Variants in SIPA1L3 observed in about 807,000 individuals in gnomAD.
SIPA1L3 encodes signal-induced proliferation-associated 1-like protein 3.
In SIPA1L3, 59 loss-of-function variants were observed where a neutral mutation model predicts 150.1. That is an observed-to-expected ratio of 0.39 (90% CI 0.32 to 0.49). The LOEUF (loss-of-function observed/expected upper bound fraction) is 0.49. Among genes scored for constraint, SIPA1L3 ranks in the 20% least tolerant of loss-of-function variants. The probability of loss-of-function intolerance (pLI) is 0.86; values close to 1 mark genes in which losing one functional copy is unlikely to be tolerated. For synonymous variants in SIPA1L3, 1,070 were observed against 1,077.6 expected, an observed-to-expected ratio of 0.99 and a Z score of 0.14; for missense variants, 2,211 against 2,489.5, an observed-to-expected ratio of 0.89 and a Z score of 2.38.
In SIPA1L3 at chr19:38,082,915, C is replaced by T; in HGVS notation, c.1350C>T (p.Gly450=). 1 of 1,613,212 alleles carries T rather than the reference C, an allele frequency of 6.2e-7. No individual in the cohort carries two copies. The highest frequency in any genetic ancestry group is 8.5e-7 in the Non-Finnish European group (1 of 1,179,896). The change falls in exon 3 of 22, where the codon GGC becomes GGT. Residue 450 remains glycine (G), a synonymous_variant. Transcript: ENST00000222345. ...RNVSFSRASV[G]SPSSGEGHLA... Reference sequence around the variant, plus strand: ...TGAGCTTCTCCCGGGCTTCCGTGGGCTCCCCGAGCAGCGGCGAGGGCCACC... The same window carrying T: ...TGAGCTTCTCCCGGGCTTCCGTGGGTTCCCCGAGCAGCGGCGAGGGCCACC...
At chr19:37,968,372 G>A (rs149186471) in intron 1 of SIPA1L3, among the ~76,000 whole-genome samples, 5 of 152,084 alleles carry the variant, frequency 3.3e-5, no homozygotes, top group Admixed American at 6.6e-5. Context: ...GCGCCCGGCC[G>A]GCCTCATCTC....
At chr19:38,125,864 T>C (rs563635082) in intron 9 of SIPA1L3, among the ~76,000 whole-genome samples, 4 of 152,264 alleles carry the variant, frequency 2.6e-5, no homozygotes, top group African/African-American at 7.2e-5. Flanking sequence ...GGTGCTCCTC[T>C]CTGGGACAGA....
intron 1 of SIPA1L3, among the ~76,000 whole-genome samples, chr19:38,018,838 A>G (rs1010314444): frequency 3.3e-5 from 5 of 152,112 alleles, no homozygotes; most frequent in Middle Eastern, 3.2e-3. Context: ...GGGCAGGTAC[A>G]TTTTGTTCAC....
rs1190225537 is a variant in SIPA1L3, at chr19:38,040,686, T to C, written c.-311+11530T>C. 2.0e-5 allele frequency among the ~76,000 whole-genome samples: 3 copies of C among 152,272 alleles called. No homozygotes were observed. The East Asian group carries it at 5.8e-4, about 29-fold the overall frequency. Reference sequence around the variant, plus strand: ...TTTTAAAAAAAATTCAAAATTCTAGTTGAAATGCCCCATTTAAGAGTTTCA... The same window carrying C: ...TTTTAAAAAAAATTCAAAATTCTAGCTGAAATGCCCCATTTAAGAGTTTCA... On this transcript the variant is annotated intron_variant, in intron 2 of 21. Coordinates refer to ENST00000222345, the MANE Select transcript of SIPA1L3 (RefSeq NM_015073.3).
intron 15 of SIPA1L3, among the ~76,000 whole-genome samples, chr19:38,167,980 G>A (rs939379748): frequency 2.0e-5 from 3 of 152,170 alleles, no homozygotes; most frequent in African/African-American, 4.8e-5. Flanking sequence ...CCCAGACACT[G>A]TGCTGGGAGC....
Position 38,202,447 on chromosome 19 carries a change from G to A in SIPA1L3, c.5120+450G>A, listed in dbSNP as rs181220637. Among the ~76,000 whole-genome samples the A allele has an allele frequency of 4.4e-3, 668 of 152,206 alleles. 2 individuals carry two copies. Among genetic ancestry groups the A allele is most frequent in the Middle Eastern group, 0.031 (9 of 294 alleles). On this transcript the variant is annotated intron_variant, in intron 20 of 21. Transcript: ENST00000222345. ...TACTAAAAATACAAAAATTAGCCGG[G>A]CGTGGTGGTGCGTGCCTGTAATCCC...
chr19:37,956,217 A>G (rs1035895423), intron 1 of SIPA1L3, among the ~76,000 whole-genome samples: 4 of 152,180 alleles, frequency 2.6e-5, no homozygotes, highest in Non-Finnish European at 4.4e-5. Flanking sequence ...GTGGGTGTGC[A>G]GTGGTATCTC....
At chr19:37,970,186 C>G (rs1167075633) in intron 1 of SIPA1L3, among the ~76,000 whole-genome samples, 1 of 152,126 alleles carries the variant, frequency 6.6e-6, no homozygotes, top group Non-Finnish European at 1.5e-5. Context: ...GGTGAAATTT[C>G]AAAGTGAAAA....
intron 2 of SIPA1L3, among the ~76,000 whole-genome samples, chr19:38,060,155 A>G (rs1178005733): frequency 6.6e-6 from 1 of 152,198 alleles, no homozygotes; most frequent in Non-Finnish European, 1.5e-5. Context: ...TGTTCCCTAG[A>G]TGAGCAACTC....
intron 2 of SIPA1L3, among the ~76,000 whole-genome samples, chr19:38,057,938 A>C (rs944229958): frequency 6.6e-6 from 1 of 152,140 alleles, no homozygotes; most frequent in East Asian, 1.9e-4. Flanking sequence ...CCGGGATTAC[A>C]GGCCTGAGCC....
chr19:38,037,269 A>T (rs759012260), intron 2 of SIPA1L3, among the ~76,000 whole-genome samples: 38 of 146,434 alleles, frequency 2.6e-4, no homozygotes, highest in Non-Finnish European at 5.2e-4. Context: ...TTGAGAGGTC[A>T]GGGAACGTCT....
At chr19:38,160,096 C>A (rs1319383761) in intron 13 of SIPA1L3, among the ~76,000 whole-genome samples, 1 of 152,146 alleles carries the variant, frequency 6.6e-6, no homozygotes, top group African/African-American at 2.4e-5. Flanking sequence ...ACTGCAGCCT[C>A]CACCTCCCAG....
intron 1 of SIPA1L3, among the ~76,000 whole-genome samples, chr19:37,985,070 T>C (rs548465375): frequency 6.6e-6 from 1 of 152,298 alleles, no homozygotes; most frequent in African/African-American, 2.4e-5. Context: ...AAGTGATTGG[T>C]AGTGCTATTA....
intron 1 of SIPA1L3, among the ~76,000 whole-genome samples, chr19:37,931,655 C>G (rs921485343): frequency 6.6e-6 from 1 of 152,060 alleles, no homozygotes; most frequent in Non-Finnish European, 1.5e-5. Flanking sequence ...GAGGCTGAGG[C>G]AGGAGAATCC....
At chr19:38,086,357 A>T (rs896038745) in intron 3 of SIPA1L3, among the ~76,000 whole-genome samples, 1 of 151,934 alleles carries the variant, frequency 6.6e-6, no homozygotes, top group African/African-American at 2.4e-5. Flanking sequence ...TTTTCTTTTT[A>T]AAAATTTCTT....
intron 10 of SIPA1L3, among the ~76,000 whole-genome samples, chr19:38,135,318 A>G (rs1334831361): frequency 6.6e-6 from 1 of 152,088 alleles, no homozygotes; most frequent in African/African-American, 2.4e-5. Flanking sequence ...TCAGGACTCC[A>G]GTCATGCCCC....
intron 18 of SIPA1L3, among the ~76,000 whole-genome samples, chr19:38,198,179 G>C (rs1973006915): frequency 6.6e-6 from 1 of 152,238 alleles, no homozygotes; most frequent in African/African-American, 2.4e-5. Flanking sequence ...CCCCTTCAGA[G>C]TTTTGTCCAG....
In SIPA1L3 at chr19:37,921,687, A is replaced by T. The variant is rs549076610; in HGVS notation, c.-379+14329A>T. ...ACGATCACAACTCACCGCAACCTCG[A>T]ACTCCTGGGCTCAAGTGATCCTCCC... is the stretch of plus-strand genomic sequence containing the variant. On this transcript the variant is annotated intron_variant, in intron 1 of 21. Coordinates refer to ENST00000222345, the MANE Select transcript of SIPA1L3 (RefSeq NM_015073.3). Among the ~76,000 whole-genome samples the T allele has an allele frequency of 2.6e-5, 4 of 151,458 alleles. No homozygotes were observed. The South Asian group carries it at 8.4e-4, about 32-fold the overall frequency.
intron 1 of SIPA1L3, among the ~76,000 whole-genome samples, chr19:37,929,650 C>T (rs141255870): frequency 6.6e-6 from 1 of 152,150 alleles, no homozygotes; most frequent in Non-Finnish European, 1.5e-5. Flanking sequence ...ACCCATCTCT[C>T]TGCTCCTGAC....
Sources: allele counts gnomAD v4.1 joint callset (sites outside exome capture counted in the v4.1 genomes callset), GRCh38; gene constraint gnomAD v4.1.1; transcripts MANE v1.5; gene names NCBI Gene and HGNC (gene_info 2026-07-23, HGNC 2026-07-21).